DMD: variants seen among roughly 807,000 people sequenced by gnomAD.
DMD encodes mutant dystrophin.
Under a neutral mutation model 330.1 loss-of-function variants are expected in DMD, and 63 were observed. That is an observed-to-expected ratio of 0.19 (90% CI 0.16 to 0.24). DMD has a LOEUF of 0.24. Ranked by LOEUF, DMD falls within the 10% of genes least tolerant of loss-of-function variation. DMD has a pLI of 1.00. For missense variants in DMD, 3,344 were observed against 2,684.1 expected, an observed-to-expected ratio of 1.25 and a Z score of -5.43; for synonymous variants, 1,223 against 959.8, an observed-to-expected ratio of 1.27 and a Z score of -5.07.
chrX:31,880,176 T>C (rs2149702917), intron 47 of DMD, among the ~76,000 whole-genome samples: 1 of 112,228 alleles, frequency 8.9e-6, no homozygotes, highest in South Asian at 3.7e-4. Flanking sequence ...ACACAAAACA[T>C]TTTAGAAAAA....
rs1569549343 is a variant in DMD at position 32,183,570 on chromosome X, AAAT to A, written c.6438+33343_6438+33345del. On this transcript the variant is annotated intron_variant, in intron 44 of 78. Transcript: ENST00000357033. ...GCTACACAAATATATATATATATAT[AAAT>A]ATATATATATATATATGTATGTATA... 7.8e-4 allele frequency among the ~76,000 whole-genome samples: 47 copies of A among 60,401 alleles called. No homozygotes were observed. In the South Asian group the frequency reaches 0.035, roughly 46 times the overall value. The allele number at this position is 60,401 out of a possible 115,157, so 52.5% of individuals were successfully genotyped here. A position where few individuals can be genotyped will look rare whatever the true frequency, so the allele number is the denominator to read the frequency against.
intron 37 of DMD, among the ~76,000 whole-genome samples, chrX:32,357,227 A>T (rs2097804851): frequency 8.9e-6 from 1 of 112,000 alleles, no homozygotes; most frequent in Non-Finnish European, 1.9e-5. Context: ...CTAGTCAATC[A>T]GAGTTAAATT....
chrX:33,087,670 C>T (rs999220396), intron 1 of DMD, among the ~76,000 whole-genome samples: 2 of 111,453 alleles, frequency 1.8e-5, no homozygotes, highest in Non-Finnish European at 3.8e-5. Context: ...ATTTCACAGC[C>T]TCCCAGTAAA....
At chrX:32,429,387 G>GTTATTTTTTTTTTTT (rs1191026907) in intron 29 of DMD, among the ~76,000 whole-genome samples, 5 of 44,198 alleles carry the variant, frequency 1.1e-4, no homozygotes, top group African/African-American at 4.4e-4. Context: ...TTTTTTTTGG[G>GTTATTTTTTTTTTTT]TTTTTTTTTT....
At chrX:32,154,723 CAGAA>C (rs777559357) in intron 44 of DMD, among the ~76,000 whole-genome samples, 106 of 111,159 alleles carry the variant, frequency 9.5e-4, no homozygotes, top group Non-Finnish European at 9.2e-4. Context: ...TTTAGTAAAG[CAGAA>C]AGAGAGAAAA....
At chrX:32,633,423 G>C (rs1373598492) in intron 11 of DMD, among the ~76,000 whole-genome samples, 2 of 112,029 alleles carry the variant, frequency 1.8e-5, no homozygotes, top group Non-Finnish European at 3.8e-5. Context: ...ATCAGTATCA[G>C]CACTTTGGTA....
intron 44 of DMD, among the ~76,000 whole-genome samples, chrX:32,007,139 C>G (rs1021973305): frequency 9.6e-6 from 1 of 103,734 alleles, no homozygotes; most frequent in Admixed American, 1.0e-4. Flanking sequence ...CTAATGGGTG[C>G]AGCACACCAG....
intron 55 of DMD, among the ~76,000 whole-genome samples, chrX:31,517,300 T>C (rs2072310332): frequency 9.0e-6 from 1 of 111,444 alleles, no homozygotes; most frequent in African/African-American, 3.3e-5. Context: ...TGTTGCATCC[T>C]TCTAGTCCCC....
intron 55 of DMD, among the ~76,000 whole-genome samples, chrX:31,625,480 T>C (rs2078787889): frequency 8.9e-6 from 1 of 112,021 alleles, no homozygotes; most frequent in South Asian, 3.7e-4. Context: ...CACTGGACTT[T>C]ATGTGAGCAA....
chrX:31,171,274 C>T (rs1220030839), intron 73 of DMD, among the ~76,000 whole-genome samples: 1 of 111,674 alleles, frequency 9.0e-6, no homozygotes, highest in Non-Finnish European at 1.9e-5. Context: ...TTAGCTTGAT[C>T]GTTTATGTAC....
chrX:32,841,549 T>A (rs1449846924), intron 4 of DMD, among the ~76,000 whole-genome samples: 6 of 111,929 alleles, frequency 5.4e-5, no homozygotes, highest in Non-Finnish European at 1.1e-4. Context: ...CAGACCCACA[T>A]ATGTACGGAC....
chrX:33,292,218 A>G lies in DMD; in HGVS notation c.7+47041T>C, dbSNP rs191990985. Among the ~76,000 whole-genome samples the G allele has an allele frequency of 8.6e-3, 962 of 111,273 alleles. 8 individuals are homozygous for G. The highest frequency in any genetic ancestry group is 0.014 in the Non-Finnish European group (719 of 52,912). ...TTTTATACAGCTCAAAGTCAGTTAC[A>G]TTATATTTAGTACCATTAGAAGATA... is the stretch of plus-strand genomic sequence containing the variant. On this transcript the variant is annotated intron_variant, in intron 1 of 17. Coordinates refer to the DMD transcript ENST00000288447.
chrX:31,399,381 C>T (rs1222253388), intron 60 of DMD, among the ~76,000 whole-genome samples: 3 of 94,649 alleles, frequency 3.2e-5, no homozygotes, highest in Non-Finnish European at 6.1e-5. Flanking sequence ...TTCTGACATC[C>T]ATCTGCTTCT....
intron 44 of DMD, among the ~76,000 whole-genome samples, chrX:32,003,001 T>A (rs2150366882): frequency 8.9e-6 from 1 of 111,796 alleles, no homozygotes; most frequent in East Asian, 2.8e-4. Flanking sequence ...GGAAGTTAAG[T>A]CTATTTTTAT....
intron 11 of DMD, among the ~76,000 whole-genome samples, chrX:32,634,635 T>G (rs1435361572): frequency 1.8e-5 from 2 of 111,885 alleles, no homozygotes; most frequent in Admixed American, 9.5e-5. Flanking sequence ...ATGTTATCTG[T>G]GAGCTAGGGC....
intron 1 of DMD, among the ~76,000 whole-genome samples, chrX:33,272,561 A>C (rs747529697): frequency 7.2e-5 from 8 of 111,349 alleles, no homozygotes; most frequent in African/African-American, 2.6e-4. Context: ...GATAGAGCTA[A>C]AGTCTTTCTC....
At chrX:33,246,103 C>T (rs762514120) in intron 1 of DMD, among the ~76,000 whole-genome samples, 19 of 112,136 alleles carry the variant, frequency 1.7e-4, no homozygotes, top group Middle Eastern at 4.6e-3. Context: ...TTTTTAAATA[C>T]GTACATTACA....
At chrX:32,753,820 G>A (rs191752499) in intron 7 of DMD, among the ~76,000 whole-genome samples, 5 of 111,509 alleles carry the variant, frequency 4.5e-5, no homozygotes, top group South Asian at 3.7e-4. Flanking sequence ...GGAAGGAACC[G>A]AGCCTTATTC....
chrX:33,252,626 C>T (rs1039712077), intron 1 of DMD, among the ~76,000 whole-genome samples: 4 of 110,480 alleles, frequency 3.6e-5, no homozygotes, highest in Middle Eastern at 4.6e-3. Context: ...GGGGGGGTGA[C>T]AGGTGACTCA....
Sources: gnomAD v4.1 joint callset for allele counts (sites outside exome capture counted in the v4.1 genomes callset) on GRCh38, gnomAD v4.1.1 for gene constraint, MANE v1.5 for transcripts, NCBI Gene and HGNC (gene_info 2026-07-23, HGNC 2026-07-21) for gene names.